The following CSRP1 variants were observed in gnomAD, a reference collection of about 807,000 sequenced individuals.
The protein encoded by CSRP1 is cysteine and glycine-rich protein 1.
CSRP1 carries 16 observed loss-of-function variants against 25.4 expected under a neutral mutation model. The observed-to-expected ratio is 0.63, with a 90% CI of 0.43 to 0.96. The LOEUF is 0.96. Ranked by LOEUF, CSRP1 falls within the 40% of genes least tolerant of loss-of-function variation. The pLI is 0.00. For missense variants in CSRP1, 212 were observed against 243.6 expected, an observed-to-expected ratio of 0.87 and a Z score of 0.86; for synonymous variants, 97 against 95.3, an observed-to-expected ratio of 1.02 and a Z score of -0.10.
chr1:201,485,779 T>G, intron 4 of CSRP1: 1 of 192,924 alleles, frequency 5.2e-6, no homozygotes, highest in Non-Finnish European at 1.1e-5. Flanking sequence ...CACTTAGTAC[T>G]TGAACAGCCC....
intron 1 of CSRP1, among the ~76,000 whole-genome samples, chr1:201,504,541 C>T (rs541546102): frequency 4.6e-5 from 7 of 152,242 alleles, no homozygotes. Context: ...GTGTCTTCAT[C>T]TAGCAAGCCA....
intron 1 of CSRP1, among the ~76,000 whole-genome samples, chr1:201,501,268 T>C (rs547824429): frequency 7.2e-5 from 11 of 152,318 alleles, no homozygotes; most frequent in Middle Eastern, 3.4e-3. Flanking sequence ...AGTCCACATA[T>C]GGAAGGAGCG....
At position 201,496,288 on chromosome 1, in the gene CSRP1, C is replaced by T. The variant is rs1438249299; in HGVS notation, c.16G>A (p.Gly6Arg). The T allele has an allele frequency of 6.2e-7, 1 of 1,614,000 alleles. No homozygotes were observed. Among genetic ancestry groups the T allele is most frequent in the Non-Finnish European group, 8.5e-7 (1 of 1,179,938 alleles). MPNWG[G>R]GKKCGVCQKT... is the part of the protein sequence containing the mutation. ...TGACACACCCCACATTTCTTGCCTC[C>T]TCCCCAGTTCGGCATTCTGAAAAGG... Residue 6 changes from glycine (G) to arginine (R), a missense_variant, in exon 2 of 6, where the codon GGA becomes AGA. By Grantham distance (125) the Gly-to-Arg change is moderately radical. Transcript: ENST00000340006.
intron 1 of CSRP1, among the ~76,000 whole-genome samples, chr1:201,497,479 A>G (rs1013932611): frequency 6.6e-6 from 1 of 151,964 alleles, no homozygotes; most frequent in Non-Finnish European, 1.5e-5. Flanking sequence ...CTAATGAATT[A>G]TAACCTCTGA....
intron 1 of CSRP1, 121 bp from the exon 2 acceptor site, chr1:201,496,425 G>C (rs1445088850): frequency 4.8e-6 from 4 of 829,860 alleles, no homozygotes; most frequent in Admixed American, 2.0e-5. Flanking sequence ...AGAATGCCTG[G>C]GGGGCCACCA....
At chr1:201,497,986 G>A (rs1242967348) in intron 1 of CSRP1, among the ~76,000 whole-genome samples, 1 of 151,508 alleles carries the variant, frequency 6.6e-6, no homozygotes, top group Non-Finnish European at 1.5e-5. Context: ...TTCCAGCCCG[G>A]ACGACAGAGC....
chr1:201,486,714 A>G (rs1015325543), intron 4 of CSRP1: 41 of 1,053,790 alleles, frequency 3.9e-5, no homozygotes, highest in Non-Finnish European at 4.7e-5. Flanking sequence ...TTGCTCATTC[A>G]TAAGCACCCA....
Position 201,490,181 on chromosome 1 carries a change from G to A in CSRP1, c.276C>T (p.His92=), listed in dbSNP as rs143052124. 202 of 1,613,256 alleles carry A rather than the reference G, an allele frequency of 1.3e-4. 1 individual carries two copies. In the African/African-American group the frequency reaches 1.5e-3, roughly 12 times the overall value. Residue 92 remains histidine (H), a synonymous_variant, in exon 3 of 6, where the codon CAC becomes CAT. Transcript: ENST00000340006. ...TDKGESLGIK[H]EEAPGHRPTT... ...GGAGGGGATCTTTTACTCACTCCTCGTGCTTGATACCCAGCGACTCCCCCT... is the reference window on the plus strand; with the variant it reads ...GGAGGGGATCTTTTACTCACTCCTCATGCTTGATACCCAGCGACTCCCCCT...
intron 1 of CSRP1, among the ~76,000 whole-genome samples, chr1:201,501,717 G>C (rs780470634): frequency 2.0e-5 from 3 of 152,326 alleles, no homozygotes; most frequent in Non-Finnish European, 4.4e-5. Flanking sequence ...GCTCGGCTGG[G>C]TGTGGTGGCT....
At chr1:201,487,178 G>T (rs573208145) in intron 4 of CSRP1, 7 of 340,918 alleles carry the variant, frequency 2.1e-5, no homozygotes, top group Non-Finnish European at 4.0e-5. Flanking sequence ...TTTGGAGGCC[G>T]AGGTGGGTGG....
intron 4 of CSRP1, 112 bp from the exon 5 acceptor site, chr1:201,485,488 A>C (rs576228296): frequency 2.2e-6 from 2 of 915,732 alleles, no homozygotes; most frequent in African/African-American, 3.2e-5. Flanking sequence ...CCACTTCTGA[A>C]GTCTACTCAG....
At chr1:201,486,827 G>A (rs978610103) in intron 4 of CSRP1, 71 of 1,171,280 alleles carry the variant, frequency 6.1e-5, no homozygotes, top group Non-Finnish European at 7.3e-5. Flanking sequence ...CTACTCCTTA[G>A]TACAGCCCTA....
chr1:201,485,644 A>T, intron 4 of CSRP1: 2 of 469,142 alleles, frequency 4.3e-6, no homozygotes, highest in Non-Finnish European at 7.8e-6. Flanking sequence ...AAGGCAGGTG[A>T]GGGGGTGGGT....
At chr1:201,506,411 T>C (rs143009321) in intron 1 of CSRP1, among the ~76,000 whole-genome samples, 159 of 152,344 alleles carry the variant, frequency 1.0e-3, no homozygotes, top group African/African-American at 3.7e-3. Context: ...ATACAATACC[T>C]GCCTCAGAGG....
At position 201,493,556 on chromosome 1, in the gene CSRP1, G is replaced by C. The variant is rs996597436; in HGVS notation, c.112+2636C>G. On this transcript the variant is annotated intron_variant, in intron 2 of 5. Transcript: ENST00000340006. ...GGCCTCCCCAGCCATGTGGAACTGT[G>C]AGTCCATTAAACCTCTTTCCTTTAT... is the stretch of plus-strand genomic sequence containing the variant. 6.7e-4 allele frequency among the ~76,000 whole-genome samples: 102 copies of C among 152,332 alleles called. 1 individual carries two copies. The highest frequency in any genetic ancestry group is 3.4e-3 in the Middle Eastern group (1 of 294).
chr1:201,497,524 C>A (rs556131936), intron 1 of CSRP1, among the ~76,000 whole-genome samples: 1 of 152,226 alleles, frequency 6.6e-6, no homozygotes, highest in South Asian at 2.1e-4. Flanking sequence ...GTACTTGAAT[C>A]TGAATTTTTA....
chr1:201,494,857 C>T (rs1444777911), intron 2 of CSRP1, among the ~76,000 whole-genome samples: 7 of 149,632 alleles, frequency 4.7e-5, no homozygotes, highest in Admixed American at 1.3e-4. Flanking sequence ...CACGTGTGTG[C>T]GCATGTGTGT....
At chr1:201,489,973 G>C (rs189436996) in intron 3 of CSRP1, 1 of 530,740 alleles carries the variant, frequency 1.9e-6, no homozygotes, top group Non-Finnish European at 3.3e-6. Flanking sequence ...GCAGGGAGGA[G>C]CCCAGCCTGT....
At chr1:201,498,203 G>T (rs1222298709) in intron 1 of CSRP1, among the ~76,000 whole-genome samples, 1 of 152,194 alleles carries the variant, frequency 6.6e-6, no homozygotes, top group Non-Finnish European at 1.5e-5. Flanking sequence ...GAGAACAGAT[G>T]GGGCCTGCTT....
Sources: gnomAD v4.1 joint callset for allele counts (sites outside exome capture counted in the v4.1 genomes callset) on GRCh38, gnomAD v4.1.1 for gene constraint, MANE v1.5 for transcripts, NCBI Gene and HGNC (gene_info 2026-07-23, HGNC 2026-07-21) for gene names.